Variants in RBFOX1 observed in about 807,000 individuals in gnomAD.
RBFOX1 encodes the protein RNA binding fox-1 homolog 1.
In RBFOX1, 8 loss-of-function variants were observed where a neutral mutation model predicts 57.7. The ratio of observed to expected loss-of-function variants is 0.14; its 90% confidence interval spans 0.08 to 0.25. The LOEUF (loss-of-function observed/expected upper bound fraction) is 0.25. RBFOX1 is among the 10% of genes least tolerant of loss of function. The pLI is 1.00. For missense variants in RBFOX1, 611 were observed against 548.5 expected, an observed-to-expected ratio of 1.11 and a Z score of -1.14; for synonymous variants, 326 against 222.4, an observed-to-expected ratio of 1.47 and a Z score of -4.15.
At chr16:5,503,876 C>T (rs1380990391) in intron 2 of RBFOX1, among the ~76,000 whole-genome samples, 2 of 152,214 alleles carry the variant, frequency 1.3e-5, no homozygotes, top group Admixed American at 6.5e-5. Flanking sequence ...TCCTCCCAGC[C>T]CCTGGCAAAC....
At chr16:6,609,502 C>G (rs897477213) in intron 2 of RBFOX1, among the ~76,000 whole-genome samples, 14 of 152,088 alleles carry the variant, frequency 9.2e-5, no homozygotes, top group Admixed American at 5.2e-4. Flanking sequence ...TGCCACCACA[C>G]TTGGCTAATT....
At chr16:5,976,388 A>G (rs1208161769) in intron 4 of RBFOX1, among the ~76,000 whole-genome samples, 1 of 152,182 alleles carries the variant, frequency 6.6e-6, no homozygotes. Context: ...TTTGTAGAGA[A>G]GAGCGGAATA....
At chr16:6,200,288 C>T (rs573637328) in intron 1 of RBFOX1, among the ~76,000 whole-genome samples, 1 of 152,162 alleles carries the variant, frequency 6.6e-6, no homozygotes, top group South Asian at 2.1e-4. Flanking sequence ...CTCTGCATCC[C>T]TTTCCTCAAG....
At position 6,567,722 on chromosome 16, in the gene RBFOX1, T is replaced by G. The variant is rs543252661; in HGVS notation, c.-63-86881T>G. Reference sequence around the variant, plus strand: ...TGGATGCCTATTTACATACTGTGCTTTTCTTGTCCCTCAGGGCCACATTTT... The same window carrying G: ...TGGATGCCTATTTACATACTGTGCTGTTCTTGTCCCTCAGGGCCACATTTT... On this transcript the variant is annotated intron_variant, in intron 2 of 15. Transcript: ENST00000550418. 2.2e-4 allele frequency among the ~76,000 whole-genome samples: 34 copies of G among 152,310 alleles called. 1 individual carries two copies. Among genetic ancestry groups the G allele is most frequent in the African/African-American group, 7.5e-4 (31 of 41,560 alleles).
At chr16:6,232,600 G>T (rs62015084) in intron 1 of RBFOX1, among the ~76,000 whole-genome samples, 29,757 of 152,066 alleles carry the variant, frequency 0.2, 3,667 homozygotes, top group East Asian at 0.44. Flanking sequence ...TGTTCCAGTT[G>T]TCTAGAAAAG....
intron 3 of RBFOX1, among the ~76,000 whole-genome samples, chr16:5,706,575 G>A (rs1298709359): frequency 6.6e-6 from 1 of 152,192 alleles, no homozygotes; most frequent in African/African-American, 2.4e-5. Context: ...ACTAGAAAAT[G>A]TGTACAGGAA....
intron 13 of RBFOX1, among the ~76,000 whole-genome samples, chr16:7,666,499 A>G (rs1422939436): frequency 6.6e-6 from 1 of 152,176 alleles, no homozygotes; most frequent in Non-Finnish European, 1.5e-5. Flanking sequence ...TAATTTATTG[A>G]ATCATTAATG....
intron 3 of RBFOX1, among the ~76,000 whole-genome samples, chr16:6,713,650 T>C (rs181764424): frequency 1.3e-5 from 2 of 152,306 alleles, no homozygotes; most frequent in East Asian, 1.9e-4. Flanking sequence ...TCAAACAAAA[T>C]TGAAGTTACA....
At chr16:7,654,213 G>A (rs1037426754) in intron 12 of RBFOX1, among the ~76,000 whole-genome samples, 3 of 152,250 alleles carry the variant, frequency 2.0e-5, no homozygotes, top group Admixed American at 6.5e-5. Flanking sequence ...GAGACTGAAT[G>A]CTGGAGAACA....
chr16:6,946,891 G>C (rs778964632), intron 3 of RBFOX1, among the ~76,000 whole-genome samples: 3 of 152,122 alleles, frequency 2.0e-5, no homozygotes, highest in Non-Finnish European at 4.4e-5. Context: ...TTATAGGTAT[G>C]AGTCACCACA....
chr16:6,868,932 A>G (rs986794434), intron 3 of RBFOX1, among the ~76,000 whole-genome samples: 5 of 152,144 alleles, frequency 3.3e-5, no homozygotes, highest in Admixed American at 6.5e-5. Context: ...CACATTTTCT[A>G]GCCCTTGCCT....
At chr16:5,955,406 TAAAATAA>T (rs1436235002) in intron 4 of RBFOX1, among the ~76,000 whole-genome samples, 2,503 of 62,278 alleles carry the variant, frequency 0.04, 98 homozygotes, top group South Asian at 0.063. Flanking sequence ...TAAAATAAAA[TAAAATAA>T]AAGTCTTTCC....
chr16:5,509,187 C>T (rs572109043), intron 2 of RBFOX1, among the ~76,000 whole-genome samples: 1 of 152,200 alleles, frequency 6.6e-6, no homozygotes, highest in Non-Finnish European at 1.5e-5. Flanking sequence ...CTTTGATGCC[C>T]ACATGCAGGG....
At chr16:6,690,457 A>G (rs2060040446) in intron 3 of RBFOX1, among the ~76,000 whole-genome samples, 1 of 152,192 alleles carries the variant, frequency 6.6e-6, no homozygotes, top group Non-Finnish European at 1.5e-5. Context: ...GATTTTGCCT[A>G]CTATAGTTTA....
At chr16:7,440,617 A>T (rs1021655290) in intron 4 of RBFOX1, among the ~76,000 whole-genome samples, 2 of 152,152 alleles carry the variant, frequency 1.3e-5, no homozygotes, top group African/African-American at 4.8e-5. Flanking sequence ...TTGCTTAATG[A>T]ATTTATTAAT....
chr16:5,791,256 C>T (rs2054685193), intron 3 of RBFOX1, among the ~76,000 whole-genome samples: 1 of 152,172 alleles, frequency 6.6e-6, no homozygotes. Context: ...AGCCAACTAT[C>T]TTTTGTATTT....
intron 3 of RBFOX1, among the ~76,000 whole-genome samples, chr16:6,712,205 C>T (rs573247083): frequency 3.3e-5 from 5 of 152,270 alleles, no homozygotes; most frequent in African/African-American, 9.6e-5. Context: ...GAGGCTGTTT[C>T]AGCTATGGTC....
intron 2 of RBFOX1, among the ~76,000 whole-genome samples, chr16:6,368,111 C>T (rs1407556674): frequency 6.6e-6 from 1 of 152,186 alleles, no homozygotes; most frequent in Admixed American, 6.5e-5. Flanking sequence ...CTCTTCTTCT[C>T]TTTGTAAGCT....
intron 11 of RBFOX1, among the ~76,000 whole-genome samples, chr16:7,650,092 A>C (rs759411143): frequency 6.8e-6 from 1 of 146,968 alleles, no homozygotes; most frequent in Non-Finnish European, 1.5e-5. Flanking sequence ...GGGAGAAGGA[A>C]TAAAAAAGGA....
Sources: gnomAD v4.1 joint callset for allele counts (sites outside exome capture counted in the v4.1 genomes callset) on GRCh38, gnomAD v4.1.1 for gene constraint, MANE v1.5 for transcripts, NCBI Gene and HGNC (gene_info 2026-07-23, HGNC 2026-07-21) for gene names.